The following FHIT variants were observed in gnomAD, a reference collection of about 807,000 sequenced individuals.
The protein encoded by FHIT is fragile histidine triad diadenosine triphosphatase.
In FHIT, 19 loss-of-function variants were observed where a neutral mutation model predicts 17.9. The observed-to-expected ratio is 1.06, with a 90% CI of 0.74 to 1.56. The LOEUF (loss-of-function observed/expected upper bound fraction) is 1.56. Ranked by LOEUF, FHIT falls within the 40% of genes most tolerant of loss-of-function variation. The pLI, the probability that FHIT is intolerant of heterozygous loss-of-function variation, is 0.00. For missense variants in FHIT, 248 were observed against 189.2 expected (o/e 1.31, Z -1.82); for synonymous variants, 81 against 69.7 (o/e 1.16, Z -0.81).
At chr3:60,005,099 G>T (rs1699872306) in intron 7 of FHIT, among the ~76,000 whole-genome samples, 1 of 152,112 alleles carries the variant, frequency 6.6e-6, no homozygotes, top group African/African-American at 2.4e-5. Flanking sequence ...CTCTTCATCA[G>T]TATGCTTTAA....
At chr3:59,900,814 A>G (rs1336691560) in intron 8 of FHIT, among the ~76,000 whole-genome samples, 1 of 152,100 alleles carries the variant, frequency 6.6e-6, no homozygotes, top group Non-Finnish European at 1.5e-5. Context: ...GGGTTTCACC[A>G]TGTTGGCCAA....
chr3:59,804,804 T>TGGGAACTGGCAAGTCAGGTGATCTCTG (rs1700131617), intron 8 of FHIT, among the ~76,000 whole-genome samples: 1 of 152,172 alleles, frequency 6.6e-6, no homozygotes, highest in African/African-American at 2.4e-5. Context: ...CTCTGCCTTC[T>TGGGAACTGGCAAGTCAGGTGATCTCTG]GGGAACTGGC....
At chr3:60,449,030 A>G (rs2031538590) in intron 5 of FHIT, among the ~76,000 whole-genome samples, 1 of 152,186 alleles carries the variant, frequency 6.6e-6, no homozygotes, top group Non-Finnish European at 1.5e-5. Flanking sequence ...AAGCTTGAAT[A>G]AAGATCACTC....
chr3:60,173,906 TA>T (rs1161475224), intron 5 of FHIT, among the ~76,000 whole-genome samples: 10 of 80,044 alleles, frequency 1.2e-4, no homozygotes, highest in East Asian at 1.5e-3. Context: ...TATATATATA[TA>T]TATATATATG....
chr3:60,608,353 T>C (rs1195514590), intron 4 of FHIT, among the ~76,000 whole-genome samples: 1 of 152,132 alleles, frequency 6.6e-6, no homozygotes, highest in Admixed American at 6.6e-5. Context: ...GCTATGGCTG[T>C]TCTGGACTGT....
At chr3:59,777,000 C>T (rs1170405034) in intron 8 of FHIT, among the ~76,000 whole-genome samples, 2 of 152,134 alleles carry the variant, frequency 1.3e-5, no homozygotes, top group Non-Finnish European at 2.9e-5. Flanking sequence ...CCTCTCTGAC[C>T]TCATTTTGTT....
chr3:60,275,650 T>G (rs1553729206), intron 5 of FHIT, among the ~76,000 whole-genome samples: 1 of 151,954 alleles, frequency 6.6e-6, no homozygotes, highest in Non-Finnish European at 1.5e-5. Flanking sequence ...CACACACACC[T>G]GTGACCAGCA....
chr3:60,242,632 T>A (rs1490267018), intron 5 of FHIT, among the ~76,000 whole-genome samples: 1 of 152,012 alleles, frequency 6.6e-6, no homozygotes. Context: ...CCTCTTCCCA[T>A]CAGTAACTAT....
At chr3:60,437,930 G>T (rs1445812032) in intron 5 of FHIT, among the ~76,000 whole-genome samples, 1 of 152,146 alleles carries the variant, frequency 6.6e-6, no homozygotes, top group South Asian at 2.1e-4. Flanking sequence ...CAGCTACCTA[G>T]AATAATGTAT....
At chr3:60,937,049 A>G (rs941745742) in intron 3 of FHIT, among the ~76,000 whole-genome samples, 34 of 152,170 alleles carry the variant, frequency 2.2e-4, no homozygotes, top group Non-Finnish European at 5.9e-5. Flanking sequence ...AAGATGTATA[A>G]CCTCAAATTC....
At chr3:61,186,092 ACTACTTCTTAAGCAT>A (rs1331864159) in intron 2 of FHIT, among the ~76,000 whole-genome samples, 1 of 152,226 alleles carries the variant, frequency 6.6e-6, no homozygotes, top group Admixed American at 6.5e-5. Context: ...TATCACCATC[ACTACTTCTTAAGCAT>A]CTGCTGTACA....
chr3:60,646,471 T>C (rs888608097), intron 4 of FHIT, among the ~76,000 whole-genome samples: 2 of 152,306 alleles, frequency 1.3e-5, no homozygotes, highest in Non-Finnish European at 2.9e-5. Context: ...TAAAACATTT[T>C]GGATCTATTC....
intron 3 of FHIT, 105 bp downstream of exon 3, chr3:61,041,942 T>C (rs1031884115): frequency 2.6e-5 from 4 of 152,236 alleles, no homozygotes; most frequent in African/African-American, 9.6e-5. Context: ...ATATCTCTCC[T>C]TCTAAATATT....
At chr3:60,423,527 A>G (rs1464634315) in intron 5 of FHIT, among the ~76,000 whole-genome samples, 1 of 152,142 alleles carries the variant, frequency 6.6e-6, no homozygotes, top group African/African-American at 2.4e-5. Flanking sequence ...TAGACTTCAT[A>G]GAGATGATGT....
At chr3:60,730,314 C>A in intron 4 of FHIT, 1 of 262,242 alleles carries the variant, frequency 3.8e-6, no homozygotes. Flanking sequence ...TTTTTGTAGC[C>A]TCCCCAATAT....
intron 7 of FHIT, among the ~76,000 whole-genome samples, chr3:59,948,755 A>C (rs1357161130): frequency 1.3e-5 from 2 of 151,622 alleles, no homozygotes; most frequent in Non-Finnish European, 2.9e-5. Flanking sequence ...GCTACGTGCC[A>C]CCCTTTATTA....
intron 4 of FHIT, among the ~76,000 whole-genome samples, chr3:60,741,488 G>C (rs1289713409): frequency 6.6e-6 from 1 of 152,190 alleles, no homozygotes; most frequent in Non-Finnish European, 1.5e-5. Flanking sequence ...GGTGTTTTGT[G>C]CTCCACAGCT....
chr3:60,009,960 T>C (rs1700077667), intron 7 of FHIT, among the ~76,000 whole-genome samples: 1 of 152,226 alleles, frequency 6.6e-6, no homozygotes, highest in African/African-American at 2.4e-5. Context: ...ACTATGCACC[T>C]ATTATCATTC....
At chr3:60,949,848 T>G (rs1488755251) in intron 3 of FHIT, among the ~76,000 whole-genome samples, 2 of 152,220 alleles carry the variant, frequency 1.3e-5, no homozygotes, top group Non-Finnish European at 2.9e-5. Context: ...TGTTCATCAC[T>G]GCATCATTTA....
Sources: gnomAD v4.1 joint callset for allele counts (sites outside exome capture counted in the v4.1 genomes callset) on GRCh38, gnomAD v4.1.1 for gene constraint, MANE v1.5 for transcripts, NCBI Gene and HGNC (gene_info 2026-07-23, HGNC 2026-07-21) for gene names.